Variants in KIF20B observed in about 807,000 individuals in gnomAD.
KIF20B encodes kinesin-like protein KIF20B.
A neutral mutation model predicts 232.5 loss-of-function variants in KIF20B; 188 were observed. The observed-to-expected ratio is 0.81, with a 90% CI of 0.72 to 0.91. The LOEUF is 0.91. KIF20B is among the 40% of genes least tolerant of loss of function. The probability of loss-of-function intolerance (pLI) is 0.00; values close to 1 mark genes in which losing one functional copy is unlikely to be tolerated. For missense variants in KIF20B, 2,154 were observed against 2,055.9 expected, an observed-to-expected ratio of 1.05 and a Z score of -0.92; for synonymous variants, 712 against 683.0, an observed-to-expected ratio of 1.04 and a Z score of -0.66.
intron 26 of KIF20B, among the ~76,000 whole-genome samples, chr10:89,757,023 TG>T (rs1414254838): frequency 1.7e-5 from 1 of 60,458 alleles, no homozygotes; most frequent in Admixed American, 2.0e-4. Context: ...ATATCTCTGT[TG>T]TGTGTGTGTG....
intron 19 of KIF20B, chr10:89,733,292 T>A (rs1843370280): frequency 2.5e-6 from 1 of 402,546 alleles, no homozygotes; most frequent in African/African-American, 2.1e-5. Flanking sequence ...TTTCGCAGTC[T>A]ATGTAATAAT....
intron 21 of KIF20B, among the ~76,000 whole-genome samples, chr10:89,743,228 G>A (rs184037416): frequency 3.2e-4 from 48 of 152,260 alleles, no homozygotes; most frequent in African/African-American, 1.1e-3. Flanking sequence ...ACCTATATTA[G>A]CTTTTTTGGG....
At chr10:89,722,769 G>GT (rs1350927758) in intron 13 of KIF20B, among the ~76,000 whole-genome samples, 3 of 152,112 alleles carry the variant, frequency 2.0e-5, no homozygotes, top group Non-Finnish European at 2.9e-5. Flanking sequence ...TACTCAGAAA[G>GT]TATGTAGTTT....
intron 9 of KIF20B, among the ~76,000 whole-genome samples, chr10:89,717,093 G>A (rs1338176392): frequency 6.6e-6 from 1 of 152,190 alleles, no homozygotes; most frequent in African/African-American, 2.4e-5. Flanking sequence ...TATGTATTCA[G>A]AGTATTGGCT....
At position 89,718,802 on chromosome 10, in the gene KIF20B, A is replaced by G. The variant is rs1307205397; in HGVS notation, c.1364A>G (p.Asn455Ser). ...AAAGGGAAAATTTGTATGATTGTCAATATCAGCCAATGTTATTTAGCCTAT... is the reference window on the plus strand; with the variant it reads ...AAAGGGAAAATTTGTATGATTGTCAGTATCAGCCAATGTTATTTAGCCTAT... ...NGKGKICMIV[N>S]ISQCYLAYDE... Residue 455 changes from asparagine (N) to serine (S), a missense_variant, in exon 12 of 33, where the codon AAT becomes AGT. Coordinates refer to ENST00000371728, the MANE Select transcript of KIF20B (RefSeq NM_001284259.2). The G allele has an allele frequency of 5.0e-6, 8 of 1,609,546 alleles. No homozygotes were observed. Among genetic ancestry groups the G allele is most frequent in the Admixed American group, 1.7e-5 (1 of 59,766 alleles).
intron 1 of KIF20B, among the ~76,000 whole-genome samples, chr10:89,703,419 GGACCTTTTCTA>G (rs1842653437): frequency 6.6e-6 from 1 of 152,160 alleles, no homozygotes; most frequent in Admixed American, 6.5e-5. Context: ...TCTCAGTTTG[GGACCTTTTCTA>G]GACCAGGGTG....
rs201672657 is a variant in KIF20B, at chr10:89,714,065, A to T, written c.694A>T (p.Ser232Cys). The change falls in exon 7 of 33, where the codon AGT (serine) becomes TGT (cysteine). Residue 232 changes from serine to cysteine, a missense_variant. Coordinates refer to ENST00000371728, the MANE Select transcript of KIF20B (RefSeq NM_001284259.2). ...QIKEVTVHND[S>C]DDTLYGSLTN... ...TTTTTAGGTTACTGTGCATAATGAT[A>T]GTGATGATACTCTTTATGGTAAGGT... is the stretch of plus-strand genomic sequence containing the variant. The T allele has an allele frequency of 2.5e-5, 37 of 1,456,370 alleles. No homozygotes were observed. The Middle Eastern group carries it at 5.3e-4, about 21-fold the overall frequency. The allele number at this position is 1,456,370 out of a possible 1,614,324, so 90.2% of individuals were successfully genotyped here. A position where few individuals can be genotyped will look rare whatever the true frequency, so the allele number is the denominator to read the frequency against.
chr10:89,712,376 C>T (rs745867491), intron 6 of KIF20B, among the ~76,000 whole-genome samples: 3 of 151,994 alleles, frequency 2.0e-5, no homozygotes, highest in Non-Finnish European at 4.4e-5. Context: ...GCCTCGACCT[C>T]CTCTGAATAG....
chr10:89,704,848 C>T (rs982442749), intron 1 of KIF20B, among the ~76,000 whole-genome samples: 1 of 152,190 alleles, frequency 6.6e-6, no homozygotes, highest in African/African-American at 2.4e-5. Flanking sequence ...TGAGCCACCG[C>T]ACCAGACCCA....
At chr10:89,708,267 A>G (rs1007726562) in intron 2 of KIF20B, among the ~76,000 whole-genome samples, 1 of 151,174 alleles carries the variant, frequency 6.6e-6, no homozygotes, top group African/African-American at 2.4e-5. Context: ...GCTGGAGTGC[A>G]ATGGCGCCAT....
chr10:89,736,657 CT>C lies in KIF20B; in HGVS notation c.2546-726del, dbSNP rs1297651794. Among the ~76,000 whole-genome samples, 10 of 152,178 alleles carry C rather than the reference CT, an allele frequency of 6.6e-5. 1 individual carries two copies. The highest frequency in any genetic ancestry group is 2.4e-4 in the African/African-American group (10 of 41,544). On this transcript the variant is annotated intron_variant, in intron 19 of 32. Coordinates refer to ENST00000371728, the MANE Select transcript of KIF20B (RefSeq NM_001284259.2). ...ACATATTAAGCCTGAAAAAGGCAAA[CT>C]TTTATGCATTTTCAATTAGTTGAAT...
Position 89,737,832 on chromosome 10 carries a change from A to T in KIF20B, c.2991A>T (p.Ser997=). 6.2e-7 allele frequency: 1 copy of T among 1,613,514 alleles called. No homozygotes were observed. Among genetic ancestry groups the T allele is most frequent in the Non-Finnish European group, 8.5e-7 (1 of 1,179,600 alleles). Residue 997 remains serine, a synonymous_variant, in exon 20 of 33, where the codon TCA becomes TCT. Coordinates refer to ENST00000371728, the MANE Select transcript of KIF20B (RefSeq NM_001284259.2). ...TAGACGAACTACGTACTCTTGATTC[A>T]GTTTCTCAGATTTCAAACATAGATT... is the stretch of plus-strand genomic sequence containing the variant. ...TKIDELRTLD[S]VSQISNIDLL... is the part of the protein sequence containing the mutation.
intron 25 of KIF20B, among the ~76,000 whole-genome samples, 155 bp from the exon 26 acceptor site, chr10:89,754,362 TA>T (rs1203827064): frequency 6.6e-6 from 1 of 152,130 alleles, no homozygotes; most frequent in Non-Finnish European, 1.5e-5. Flanking sequence ...TATTATTTTT[TA>T]AATAATCTGA....
chr10:89,719,341 A>T, intron 12 of KIF20B, 78 bp from the exon 13 acceptor site: 2 of 1,081,936 alleles, frequency 1.8e-6, no homozygotes, highest in Non-Finnish European at 2.6e-6. Context: ...CATTTGACTT[A>T]AATTTATAAA....
chr10:89,733,153 GA>G, intron 19 of KIF20B, 97 bp downstream of exon 19: 1 of 1,232,326 alleles, frequency 8.1e-7, no homozygotes, highest in Non-Finnish European at 1.2e-6. Context: ...CTTGTCTAAG[GA>G]AAAATCTTGA....
chr10:89,742,485 T>A (rs529714862), intron 21 of KIF20B, among the ~76,000 whole-genome samples: 53 of 152,292 alleles, frequency 3.5e-4, no homozygotes, highest in South Asian at 1.7e-3. Context: ...CTTACATGCA[T>A]CTTTGTGCAG....
chr10:89,751,424 A>T lies in KIF20B; in HGVS notation c.4175A>T (p.Asp1392Val). Residue 1392 changes from aspartate (D) to valine (V), a missense_variant, in exon 24 of 33, where the codon GAT becomes GTT. Physicochemically the swap from Asp to Val is radical, Grantham distance 152 (BLOSUM62 -3). Coordinates refer to ENST00000371728, the MANE Select transcript of KIF20B (RefSeq NM_001284259.2). The part of the protein sequence containing the change: ...EEQEQTQVEQ[D>V]QVLEAKLEEV... ...CAGGAACAAACTCAGGTAGAACAGG[A>T]TCAAGTGCTTGAGGCTAAATTAGAG... 6.2e-7 allele frequency: 1 copy of T among 1,610,182 alleles called. No individual in the cohort carries two copies. The highest frequency in any genetic ancestry group is 8.5e-7 in the Non-Finnish European group (1 of 1,178,212).
Position 89,714,485 on chromosome 10 carries a change from A to T in KIF20B, c.712+402A>T, listed in dbSNP as rs567658892. On this transcript the variant is annotated intron_variant, in intron 7 of 32. Coordinates refer to ENST00000371728, the MANE Select transcript of KIF20B (RefSeq NM_001284259.2). ...GAGTGAAACTGTCTCAAAAAAAAAA[A>T]TTTTCACCTTGTATTTATTTATTTT... is the stretch of plus-strand genomic sequence containing the variant. Among the ~76,000 whole-genome samples, 160 of 151,940 alleles carry T rather than the reference A, an allele frequency of 1.1e-3. 5 individuals carry two copies. The East Asian group carries it at 0.02, about 19-fold the overall frequency.
intron 30 of KIF20B, 22 bp downstream of exon 30, chr10:89,768,413 A>C: frequency 7.4e-7 from 1 of 1,343,710 alleles, no homozygotes; most frequent in Non-Finnish European, 1.0e-6. Flanking sequence ...AATTTGTCCA[A>C]AATTGTAGCA....
Sources: gnomAD v4.1 joint callset for allele counts (sites outside exome capture counted in the v4.1 genomes callset) on GRCh38, gnomAD v4.1.1 for gene constraint, MANE v1.5 for transcripts, NCBI Gene and HGNC (gene_info 2026-07-23, HGNC 2026-07-21) for gene names.